The following SP110 variants were observed in gnomAD, a reference collection of about 807,000 sequenced individuals.
The protein encoded by SP110 is SP110 nuclear body protein, also known as interferon-induced protein 41, 30kD.
A neutral mutation model predicts 92.7 loss-of-function variants in SP110; 62 were observed. The ratio of observed to expected loss-of-function variants is 0.67; its 90% CI spans 0.55 to 0.83. The LOEUF (loss-of-function observed/expected upper bound fraction) is 0.83. SP110 is among the 40% of genes least tolerant of loss of function. SP110 has a pLI of 0.00. For missense variants in SP110, 793 were observed against 863.9 expected, an observed-to-expected ratio of 0.92 and a Z score of 1.03; for synonymous variants, 273 against 305.3, an observed-to-expected ratio of 0.89 and a Z score of 1.10.
Position 230,186,084 on chromosome 2 carries a change from G to A in SP110, c.1189C>T (p.Gln397Ter). The A allele has an allele frequency of 6.2e-7, 1 of 1,614,062 alleles. No individual in the cohort carries two copies. The highest frequency in any genetic ancestry group is 8.5e-7 in the Non-Finnish European group (1 of 1,179,972). Residue 397 changes from glutamine to a stop codon, truncating the protein, a stop_gained, in exon 11 of 19, where the codon CAA becomes TAA. Coordinates refer to ENST00000258381, the MANE Select transcript of SP110 (RefSeq NM_080424.4). LOFTEE classifies it high-confidence loss of function. ...EKLQVVDKVTQRKDDSTWNSE... is the reference protein window; with the variant it reads ...EKLQVVDKVT The stretch of plus-strand genomic sequence containing the variant: ...TTCCAGGTTGAGTCGTCTTTCCTTT[G>A]AGTCACCTTATCCACCACTTGGAGC...
chr2:230,192,357 A>C (rs959232060), intron 10 of SP110, among the ~76,000 whole-genome samples: 5 of 152,194 alleles, frequency 3.3e-5, no homozygotes, highest in South Asian at 2.1e-4. Context: ...TTCTGTTTGC[A>C]GATGACATGA....
At chr2:230,177,253 C>G in intron 14 of SP110, 1 of 447,618 alleles carries the variant, frequency 2.2e-6, no homozygotes, top group Non-Finnish European at 4.1e-6. Flanking sequence ...AGGCATCTGT[C>G]TTCAGCTAGT....
At chr2:230,205,104 A>G (rs1468911045) in intron 8 of SP110, among the ~76,000 whole-genome samples, 1 of 152,188 alleles carries the variant, frequency 6.6e-6, no homozygotes, top group Non-Finnish European at 1.5e-5. Context: ...GAAATAAACT[A>G]ATTAGATTTT....
Position 230,219,958 on chromosome 2 carries a change from T to TG in SP110, c.-87dup. Reference sequence around the variant, plus strand: ...CAAGATTGGGAGAGTTACAGGGAGATGCTAGCAGGCAAAACAGGAAGTCTG... The same window carrying TG: ...CAAGATTGGGAGAGTTACAGGGAGATGGCTAGCAGGCAAAACAGGAAGTCTG... On this transcript the variant is annotated 5_prime_UTR_variant, in exon 1 of 19. Coordinates refer to ENST00000258381, the MANE Select transcript of SP110 (RefSeq NM_080424.4). The TG allele has an allele frequency of 1.0e-6, 1 of 985,476 alleles. No individual in the cohort carries two copies. The highest frequency in any genetic ancestry group is 1.2e-6 in the Non-Finnish European group (1 of 829,918). 61.0% of individuals were successfully genotyped at this position (985,476 alleles called of 1,614,324 possible).
rs2044904428 is a variant in SP110 at position 230,214,700 on chromosome 2, G to A, written c.316+250C>T. ...TATAGATTTTCCAGTATGCCAAATT[G>A]TATGATTTTTTTCCAAATTCATAGA... is the stretch of plus-strand genomic sequence containing the variant. On this transcript the variant is annotated intron_variant, in intron 3 of 18. Transcript: ENST00000258381. Among the ~76,000 whole-genome samples, 4 of 152,082 alleles carry A rather than the reference G, an allele frequency of 2.6e-5. No homozygotes were observed. In the South Asian group the frequency reaches 6.2e-4, roughly 24 times the overall value.
At chr2:230,225,597 C>G (rs2046218337) in exon 1 of SP110, 1 of 569,250 alleles carries the variant, frequency 1.8e-6, no homozygotes, top group African/African-American at 1.9e-5. Flanking sequence ...TTGGCAGGAA[C>G]AAGTGACCCT....
chr2:230,201,880 T>C (rs1414697599), intron 9 of SP110, among the ~76,000 whole-genome samples: 1 of 152,224 alleles, frequency 6.6e-6, no homozygotes, highest in Non-Finnish European at 1.5e-5. Context: ...ACTTGTTGAG[T>C]GTTGGTGTAG....
chr2:230,192,974 T>G (rs907911971), intron 10 of SP110, among the ~76,000 whole-genome samples: 1 of 152,194 alleles, frequency 6.6e-6, no homozygotes, highest in Non-Finnish European at 1.5e-5. Flanking sequence ...TATTATTGTG[T>G]TGTTGTCTTA....
At chr2:230,216,192 C>G (rs2045155149) in intron 2 of SP110, among the ~76,000 whole-genome samples, 1 of 152,088 alleles carries the variant, frequency 6.6e-6, no homozygotes, top group South Asian at 2.1e-4. Flanking sequence ...TATATCTCAG[C>G]CAAGATATAT....
intron 16 of SP110, 57 bp downstream of exon 16, chr2:230,172,009 T>C: frequency 9.2e-7 from 1 of 1,085,752 alleles, no homozygotes; most frequent in South Asian, 1.2e-5. Context: ...CTGTGCCTGT[T>C]TGTGCTTCTC....
intron 14 of SP110, chr2:230,176,421 G>A (rs2041862553): frequency 2.2e-6 from 3 of 1,358,016 alleles, no homozygotes; most frequent in Non-Finnish European, 2.9e-6. Context: ...TGACACCTTT[G>A]GTTTATAGCC....
At chr2:230,205,698 G>T (rs771848272) in intron 8 of SP110, among the ~76,000 whole-genome samples, 7 of 152,184 alleles carry the variant, frequency 4.6e-5, no homozygotes, top group Non-Finnish European at 8.8e-5. Context: ...TAGAAGACTA[G>T]GTTTTTGGTA....
chr2:230,220,324 A>G (rs924771883), upstream of SP110, among the ~76,000 whole-genome samples: 1 of 152,186 alleles, frequency 6.6e-6, no homozygotes, highest in African/African-American at 2.4e-5. Context: ...GTTGATGAAA[A>G]TGTTCTCAAA....
intron 14 of SP110, among the ~76,000 whole-genome samples, chr2:230,175,992 G>T (rs2041842918): frequency 7.2e-6 from 1 of 139,442 alleles, no homozygotes; most frequent in Admixed American, 7.8e-5. Flanking sequence ...TGCCCCAGCT[G>T]GAGTGCAGTG....
chr2:230,166,113 C>T lies in SP110; in HGVS notation c.*3011G>A, dbSNP rs979083325. Among the ~76,000 whole-genome samples, 54 of 152,200 alleles carry T rather than the reference C, an allele frequency of 3.5e-4. No homozygotes were observed. Among genetic ancestry groups the T allele is most frequent in the African/African-American group, 1.1e-3 (45 of 41,524 alleles). ...TTCACCACGTTGGTCAGGCTGGTCT[C>T]GATCTCTTGACCTCGCGATCCACTC... On this transcript the variant is annotated 3_prime_UTR_variant, in exon 19 of 19. Coordinates refer to ENST00000258381, the MANE Select transcript of SP110 (RefSeq NM_080424.4).
intron 10 of SP110, among the ~76,000 whole-genome samples, chr2:230,196,750 C>T: frequency 6.7e-6 from 1 of 150,272 alleles, no homozygotes; most frequent in South Asian, 2.1e-4. Flanking sequence ...TGTCCATGTG[C>T]TCTCATTGTT....
chr2:230,221,230 G>A (rs2045789794), upstream of SP110, among the ~76,000 whole-genome samples: 2 of 149,558 alleles, frequency 1.3e-5, no homozygotes, highest in South Asian at 2.1e-4. Context: ...GCAGTGAGCC[G>A]AGATCGCACC....
At chr2:230,222,778 C>T (rs1303092284), upstream of SP110, among the ~76,000 whole-genome samples, 2 of 150,520 alleles carry the variant, frequency 1.3e-5, no homozygotes, top group African/African-American at 4.9e-5. Flanking sequence ...CTCCTTAAGG[C>T]CAGCACCAGG....
intron 1 of SP110, among the ~76,000 whole-genome samples, chr2:230,218,448 G>C (rs1368344546): frequency 1.3e-5 from 2 of 152,208 alleles, no homozygotes; most frequent in Non-Finnish European, 2.9e-5. Flanking sequence ...GAACAGATAG[G>C]AGAGAAATCT....
Sources: gnomAD v4.1 joint callset for allele counts (sites outside exome capture counted in the v4.1 genomes callset) on GRCh38, gnomAD v4.1.1 for gene constraint, MANE v1.5 for transcripts, NCBI Gene and HGNC (gene_info 2026-07-23, HGNC 2026-07-21) for gene names.